Variants in BDP1 observed in about 807,000 individuals in gnomAD.
The protein encoded by BDP1 is BDP1 general transcription factor IIIB subunit.
BDP1 carries 169 observed loss-of-function variants against 266.6 expected under a neutral mutation model. The ratio of observed to expected loss-of-function variants is 0.63; its 90% CI spans 0.56 to 0.72. The LOEUF is 0.72. Among genes scored for constraint, BDP1 ranks in the 30% least tolerant of loss-of-function variants. The pLI is 0.00. For synonymous variants in BDP1, 1,090 were observed against 1,022.4 expected (o/e 1.07, Z -1.26); for missense variants, 3,015 against 3,053.8 (o/e 0.99, Z 0.30).
intron 8 of BDP1, among the ~76,000 whole-genome samples, chr5:71,484,916 G>A (rs944492631): frequency 6.6e-6 from 1 of 152,102 alleles, no homozygotes; most frequent in Non-Finnish European, 1.5e-5. Flanking sequence ...CACTAAGGTA[G>A]GTGGGTGGAT....
chr5:71,504,825 C>A, intron 16 of BDP1, 74 bp downstream of exon 16: 1 of 1,439,912 alleles, frequency 6.9e-7, no homozygotes, highest in Non-Finnish European at 9.6e-7. Context: ...TTTTTTAAAG[C>A]AGAAGCAATT....
intron 35 of BDP1, among the ~76,000 whole-genome samples, chr5:71,553,923 ACTTCTTTAGTTCAGT>A (rs1363439632): frequency 6.6e-6 from 1 of 152,092 alleles, no homozygotes; most frequent in African/African-American, 2.4e-5. Flanking sequence ...AAACATACAG[ACTTCTTTAGTTCAGT>A]CATCAGTGCC....
intron 7 of BDP1, among the ~76,000 whole-genome samples, chr5:71,471,751 A>C (rs1238879860): frequency 6.6e-6 from 1 of 152,184 alleles, no homozygotes; most frequent in African/African-American, 2.4e-5. Flanking sequence ...TGATAGTGAG[A>C]TCTTTACTCA....
intron 8 of BDP1, 103 bp from the exon 9 acceptor site, chr5:71,486,381 C>T (rs1216778523): frequency 6.2e-6 from 6 of 963,922 alleles, no homozygotes; most frequent in Non-Finnish European, 6.1e-6. Context: ...TGTTCTCCTA[C>T]TGATAAACAA....
At chr5:71,474,551 C>G (rs1304140913) in intron 7 of BDP1, among the ~76,000 whole-genome samples, 1 of 151,866 alleles carries the variant, frequency 6.6e-6, no homozygotes, top group Non-Finnish European at 1.5e-5. Context: ...AGGTGGGTCT[C>G]TGACTCCTGA....
chr5:71,535,620 A>G (rs1355774953), intron 26 of BDP1, among the ~76,000 whole-genome samples: 1 of 152,202 alleles, frequency 6.6e-6, no homozygotes. Flanking sequence ...AAACAAATTT[A>G]TTCTCTCACA....
intron 35 of BDP1, among the ~76,000 whole-genome samples, chr5:71,556,345 T>C (rs1276511635): frequency 6.6e-6 from 1 of 152,196 alleles, no homozygotes; most frequent in Non-Finnish European, 1.5e-5. Flanking sequence ...TGCACATCTT[T>C]TTTTTTAATT....
intron 6 of BDP1, among the ~76,000 whole-genome samples, chr5:71,469,284 A>C (rs528551923): frequency 3.3e-5 from 5 of 151,412 alleles, no homozygotes; most frequent in African/African-American, 1.2e-4. Context: ...GATTACAGGC[A>C]TATGTCACCA....
At chr5:71,506,880 G>A (rs1764618490) in intron 16 of BDP1, among the ~76,000 whole-genome samples, 1 of 151,672 alleles carries the variant, frequency 6.6e-6, no homozygotes, top group Non-Finnish European at 1.5e-5. Flanking sequence ...GAGTGCAGTG[G>A]TGTGATCATG....
chr5:71,514,994 G>T lies in BDP1; in HGVS notation c.4521G>T (p.Arg1507Ser), dbSNP rs745550638. The T allele has an allele frequency of 1.9e-6, 3 of 1,612,182 alleles. No individual in the cohort carries two copies. In the African/African-American group the frequency reaches 4.0e-5, roughly 22 times the overall value. Residue 1507 changes from arginine (R) to serine (S), a missense_variant, in exon 20 of 39, where the codon AGG (arginine) becomes AGT (serine). This residue lies in a region of BDP1 where 2,383 missense variants were observed against 2,404.9 expected (regional missense o/e 0.99). Transcript: ENST00000358731. ...ISREKDTLGH[R>S]NEEAVILPCT... is the part of the protein sequence containing the mutation. Reference sequence around the variant, plus strand: ...GAGAAAAAGACACATTAGGTCACAGGAATGAGGAGGCTGTGATATTGCCAT... The same window carrying T: ...GAGAAAAAGACACATTAGGTCACAGTAATGAGGAGGCTGTGATATTGCCAT...
At chr5:71,544,299 T>C (rs1742095960) in intron 30 of BDP1, 58 bp from the exon 31 acceptor site, 1 of 1,496,332 alleles carries the variant, frequency 6.7e-7, no homozygotes, top group African/African-American at 1.4e-5. Flanking sequence ...ATGTTTCTAA[T>C]ACAGGGATTT....
intron 25 of BDP1, among the ~76,000 whole-genome samples, chr5:71,524,863 C>T (rs1217455852): frequency 6.6e-6 from 1 of 150,658 alleles, no homozygotes; most frequent in African/African-American, 2.5e-5. Flanking sequence ...CTTCAAGCAT[C>T]TGTTTAACAA....
At chr5:71,502,218 G>T in intron 14 of BDP1, among the ~76,000 whole-genome samples, 1 of 131,990 alleles carries the variant, frequency 7.6e-6, no homozygotes, top group Non-Finnish European at 1.5e-5. Flanking sequence ...ATGGAATCTC[G>T]CTCTGTCACG....
Position 71,458,858 on chromosome 5 carries a change from A to C in BDP1, c.489+3A>C, listed in dbSNP as rs774467370. 32 of 1,601,526 alleles carry C rather than the reference A, an allele frequency of 2.0e-5. No individual in the cohort carries two copies. The highest frequency in any genetic ancestry group is 2.7e-5 in the Non-Finnish European group (32 of 1,176,638). On this transcript the variant is annotated splice_donor_region_variant and intron_variant, in intron 2 of 38. Coordinates refer to ENST00000358731, the MANE Select transcript of BDP1 (RefSeq NM_018429.3). The stretch of plus-strand genomic sequence containing the variant: ...AAGAAGAATTGAGAAAAGAGAAGGT[A>C]AGGGAGGAGAATCAGGATTTTGATG...
At chr5:71,506,781 T>TATATATATATATATATATATATATATATA (rs201899514) in intron 16 of BDP1, among the ~76,000 whole-genome samples, 3 of 106,708 alleles carry the variant, frequency 2.8e-5, no homozygotes, top group African/African-American at 1.0e-4. Context: ...TATATATATA[T>TATATATATATATATATATATATATATATA]TTGAAACACA....
chr5:71,552,572 C>T (rs573796143), intron 34 of BDP1, among the ~76,000 whole-genome samples: 4 of 152,376 alleles, frequency 2.6e-5, no homozygotes, highest in East Asian at 1.9e-4. Context: ...AATCCCGGCA[C>T]GTCGGGAGGC....
At chr5:71,527,277 C>G (rs367636083) in intron 25 of BDP1, among the ~76,000 whole-genome samples, 1 of 152,082 alleles carries the variant, frequency 6.6e-6, no homozygotes, top group Non-Finnish European at 1.5e-5. Flanking sequence ...GGCAAAAAAC[C>G]AAGATACAAG....
intron 5 of BDP1, 25 bp from the exon 6 acceptor site, chr5:71,467,329 C>A (rs1761963613): frequency 2.6e-6 from 4 of 1,546,752 alleles, no homozygotes; most frequent in Non-Finnish European, 3.5e-6. Flanking sequence ...TAGTATACAT[C>A]TATTTAAAAA....
chr5:71,477,782 C>T (rs919150632), intron 7 of BDP1, among the ~76,000 whole-genome samples: 1 of 151,842 alleles, frequency 6.6e-6, no homozygotes, highest in Non-Finnish European at 1.5e-5. Flanking sequence ...CTATGCCCAC[C>T]TAATTTTTCT....
Sources: gnomAD v4.1 joint callset for allele counts (sites outside exome capture counted in the v4.1 genomes callset) on GRCh38, gnomAD v4.1.1 for gene constraint, gnomAD v4.1.1 regional missense constraint, MANE v1.5 for transcripts, NCBI Gene and HGNC (gene_info 2026-07-23, HGNC 2026-07-21) for gene names.